ERI2: variants seen among roughly 807,000 people sequenced by gnomAD.
The protein encoded by ERI2 is ERI1 exoribonuclease 2.
In ERI2, 35 loss-of-function variants were observed where a neutral mutation model predicts 46.8. The observed-to-expected ratio is 0.75, with a 90% confidence interval of 0.57 to 0.99. The LOEUF (loss-of-function observed/expected upper bound fraction) is 0.99. Ranked by LOEUF, ERI2 falls within the 50% of genes least tolerant of loss-of-function variation. The pLI is 0.00. For synonymous variants in ERI2, 224 were observed against 271.0 expected (o/e 0.83, Z 1.70); for missense variants, 695 against 796.2 (o/e 0.87, Z 1.53).
In ERI2 at chr16:20,799,272, C is replaced by T. The variant is rs771581401; in HGVS notation, c.723G>A (p.Ser241=). ...RDGCVMKITR[S]LNKVPTKKNF... ...GCAAGACACTACTAACCTTGTTCAA[C>T]GACCTTGTAATTTTCATTACACAAC... The change falls in exon 8 of 9, where the codon TCG becomes TCA. Residue 241 remains serine, a synonymous_variant. Coordinates refer to ENST00000357967, the MANE Select transcript of ERI2 (RefSeq NM_001142725.2). The T allele has an allele frequency of 6.2e-6, 10 of 1,613,406 alleles. No homozygotes were observed. The highest frequency in any genetic ancestry group is 2.2e-5 in the South Asian group (2 of 90,996).
rs1271584438 is a variant in ERI2, at chr16:20,798,943, A to T, written c.857T>A (p.Ile286Lys). 7.1e-6 allele frequency: 11 copies of T among 1,550,978 alleles called. No individual in the cohort carries two copies. In the African/African-American group the frequency reaches 1.5e-4, roughly 21 times the overall value. Residue 286 changes from isoleucine to lysine, a missense_variant, in exon 9 of 9, where the codon ATA becomes AAA. Coordinates refer to ENST00000357967, the MANE Select transcript of ERI2 (RefSeq NM_001142725.2). The part of the protein sequence containing the change: ...PSIYNKEPKN[I>K]INPHEKVQMK... ...TTGAACTTTTTCATGAGGATTTATT[A>T]TATTTTTAGGCTCCTTATTATATAT...
In ERI2 at chr16:20,800,283, C is replaced by T. The variant is rs1437521328; in HGVS notation, c.561+19G>A. On this transcript the variant is annotated intron_variant, in intron 6 of 8. Coordinates refer to ENST00000357967, the MANE Select transcript of ERI2 (RefSeq NM_001142725.2). Reference sequence around the variant, plus strand: ...TTTCCATAGAAAAAAGTAAACATGCCCCCATTTTTTACCATTACCTTGTAA... The same window carrying T: ...TTTCCATAGAAAAAAGTAAACATGCTCCCATTTTTTACCATTACCTTGTAA... 1 of 1,518,900 alleles carries T rather than the reference C, an allele frequency of 6.6e-7. No individual in the cohort carries two copies. The highest frequency in any genetic ancestry group is 2.3e-5 in the East Asian group (1 of 44,378). The allele number at this position is 1,518,900 out of a possible 1,614,324, so 94.1% of individuals were successfully genotyped here. A position where few individuals can be genotyped will look rare whatever the true frequency, so the allele number is the denominator to read the frequency against.
In ERI2 at chr16:20,798,930, A is replaced by T; in HGVS notation, c.870T>A (p.His290Gln). Residue 290 changes from histidine to glutamine, a missense_variant, in exon 9 of 9, where the codon CAT becomes CAA. Coordinates refer to ENST00000357967, the MANE Select transcript of ERI2 (RefSeq NM_001142725.2). ...AAATTGACTTCATTTGAACTTTTTC[A>T]TGAGGATTTATTATATTTTTAGGCT... ...NKEPKNIINP[H>Q]EKVQMKSICA... is the part of the protein sequence containing the mutation. 3 of 1,551,192 alleles carry T rather than the reference A, an allele frequency of 1.9e-6. No individual in the cohort carries two copies. Among genetic ancestry groups the T allele is most frequent in the Non-Finnish European group, 2.6e-6 (3 of 1,146,818 alleles).
chr16:20,789,199 G>T (rs1295573967), intron 10 of ERI2, among the ~76,000 whole-genome samples: 2 of 152,052 alleles, frequency 1.3e-5, no homozygotes, highest in South Asian at 4.2e-4. Flanking sequence ...ATGATTAAAA[G>T]CATATGATCT....
downstream of ERI2, among the ~76,000 whole-genome samples, chr16:20,795,704 T>C (rs1165975837): frequency 1.3e-5 from 2 of 152,194 alleles, no homozygotes; most frequent in East Asian, 3.9e-4. Flanking sequence ...TACATACTAG[T>C]TGATGCACCT....
At position 20,799,252 on chromosome 16, in the gene ERI2, A is replaced by G; in HGVS notation, c.732+11T>C. ...TGAGATGACAGAATAAAAAGGCAAG[A>G]CACTACTAACCTTGTTCAACGACCT... On this transcript the variant is annotated intron_variant, in intron 8 of 8. Transcript: ENST00000357967. 1 of 1,611,810 alleles carries G rather than the reference A, an allele frequency of 6.2e-7. No individual in the cohort carries two copies. Among genetic ancestry groups the G allele is most frequent in the Non-Finnish European group, 8.5e-7 (1 of 1,179,176 alleles).
chr16:20,782,350 C>A (rs2080370342), intron 10 of ERI2, among the ~76,000 whole-genome samples: 1 of 152,150 alleles, frequency 6.6e-6, no homozygotes, highest in Admixed American at 6.5e-5. Context: ...ATCACCCAAG[C>A]AGTATACACT....
At chr16:20,789,781 TCTC>T (rs1431563922) in intron 9 of ERI2, among the ~76,000 whole-genome samples, 2 of 151,402 alleles carry the variant, frequency 1.3e-5, no homozygotes, top group Non-Finnish European at 2.9e-5. Context: ...TTCAAGCAAT[TCTC>T]CTGCTCAACC....
downstream of ERI2, among the ~76,000 whole-genome samples, chr16:20,794,192 C>A (rs1337370189): frequency 6.6e-6 from 1 of 152,168 alleles, no homozygotes; most frequent in Non-Finnish European, 1.5e-5. Context: ...TGGGTCCTGC[C>A]AGGCAGGGTA....
Position 20,798,684 on chromosome 16 carries a change from T to A in ERI2, c.1116A>T (p.Thr372=), listed in dbSNP as rs1215351875. Residue 372 remains threonine, a synonymous_variant, in exon 9 of 9, where the codon ACA becomes ACT. Coordinates refer to ENST00000357967, the MANE Select transcript of ERI2 (RefSeq NM_001142725.2). ...AAACAAGTACCAATTCTGAACCAACTGTTGAAGCCTTAGATTTGGTATTAA... is the reference window on the plus strand; with the variant it reads ...AAACAAGTACCAATTCTGAACCAACAGTTGAAGCCTTAGATTTGGTATTAA... ...LAFNTKSKAS[T]VGSELVLVST... 6.4e-7 allele frequency: 1 copy of A among 1,551,576 alleles called. No individual in the cohort carries two copies. The highest frequency in any genetic ancestry group is 1.4e-5 in the African/African-American group (1 of 73,030).
At position 20,799,298 on chromosome 16, in the gene ERI2, C is replaced by T. The variant is rs775055139; in HGVS notation, c.697G>A (p.Gly233Ser). The T allele has an allele frequency of 1.2e-6, 2 of 1,613,736 alleles. No individual in the cohort carries two copies. The highest frequency in any genetic ancestry group is 1.7e-6 in the Non-Finnish European group (2 of 1,179,734). The change falls in exon 8 of 9, where the codon GGT becomes AGT. Residue 233 changes from glycine to serine, a missense_variant. Gly to Ser is a moderately conservative substitution (Grantham distance 56). Coordinates refer to ENST00000357967, the MANE Select transcript of ERI2 (RefSeq NM_001142725.2). ...ALLAWKMIRD[G>S]CVMKITRSLN... Reference sequence around the variant, plus strand: ...GACCTTGTAATTTTCATTACACAACCATCTCTGATCATTTTCCAAGCAAGA... The same window carrying T: ...GACCTTGTAATTTTCATTACACAACTATCTCTGATCATTTTCCAAGCAAGA...
chr16:20,786,495 A>G (rs2080478570), intron 10 of ERI2, among the ~76,000 whole-genome samples: 1 of 152,212 alleles, frequency 6.6e-6, no homozygotes, highest in African/African-American at 2.4e-5. Context: ...AGCCTGGGCA[A>G]CAACGTGAGA....
chr16:20,802,398 T>C (rs1449953183), intron 4 of ERI2, among the ~76,000 whole-genome samples: 1 of 151,866 alleles, frequency 6.6e-6, no homozygotes, highest in East Asian at 1.9e-4. Context: ...ATCTTATTTA[T>C]TTATTTACTT....
At position 20,801,219 on chromosome 16, in the gene ERI2, T is replaced by G. The variant is rs1385629218; in HGVS notation, c.444A>C (p.Ala148=). ...ATTCTTTACCTGACCAAGTAACAAA[T>G]GCACATAATTTTACTTCAGAAGCAG... ...EPSASEVKLC[A]FVTWSDWDLG... The change falls in exon 5 of 9, where the codon GCA becomes GCC. Residue 148 remains alanine (A), a synonymous_variant. Transcript: ENST00000357967. 6.2e-6 allele frequency: 10 copies of G among 1,610,792 alleles called. No individual in the cohort carries two copies. The highest frequency in any genetic ancestry group is 1.3e-5 in the African/African-American group (1 of 74,802).
chr16:20,788,759 A>AT (rs1435325977), intron 10 of ERI2, among the ~76,000 whole-genome samples: 1 of 152,374 alleles, frequency 6.6e-6, no homozygotes, highest in Non-Finnish European at 1.5e-5. Flanking sequence ...CTATATTCCC[A>AT]TCTATTAAAA....
At chr16:20,787,225 C>T (rs2080494254) in intron 10 of ERI2, among the ~76,000 whole-genome samples, 1 of 152,206 alleles carries the variant, frequency 6.6e-6, no homozygotes, top group Non-Finnish European at 1.5e-5. Flanking sequence ...CATCCTAAGT[C>T]ACAAATGCAT....
intron 8 of ERI2, among the ~76,000 whole-genome samples, chr16:20,791,219 G>GT (rs764395393): frequency 6.6e-6 from 1 of 152,136 alleles, no homozygotes; most frequent in Non-Finnish European, 1.5e-5. Context: ...TTGATATAAT[G>GT]TAACAGTATC....
Position 20,798,567 on chromosome 16 carries a change from C to T in ERI2, c.1233G>A (p.Val411=), listed in dbSNP as rs1197289504. The change falls in exon 9 of 9, where the codon GTG becomes GTA. Residue 411 remains valine (V), a synonymous_variant. Coordinates refer to ENST00000357967, the MANE Select transcript of ERI2 (RefSeq NM_001142725.2). ...CAGGCTGAGATGCTGGCAGTAAAAC[C>T]ACATCCTCCCAATCAGCCAACACAG... is the stretch of plus-strand genomic sequence containing the variant. ...CLPVLADWED[V]VLLPASQPEE... is the part of the protein sequence containing the mutation. 1.3e-6 allele frequency: 2 copies of T among 1,551,396 alleles called. No homozygotes were observed. Among genetic ancestry groups the T allele is most frequent in the Non-Finnish European group, 1.7e-6 (2 of 1,146,888 alleles).
At chr16:20,800,891 G>A (rs567447849) in intron 5 of ERI2, 5 of 197,294 alleles carry the variant, frequency 2.5e-5, no homozygotes, top group Non-Finnish European at 5.1e-5. Flanking sequence ...AGGATGTTGA[G>A]CTGATGAAGA....
Sources: gnomAD v4.1 joint callset for allele counts (sites outside exome capture counted in the v4.1 genomes callset) on GRCh38, gnomAD v4.1.1 for gene constraint, MANE v1.5 for transcripts, NCBI Gene and HGNC (gene_info 2026-07-23, HGNC 2026-07-21) for gene names.